Variants in RORB observed in about 807,000 individuals in gnomAD.
RORB encodes RAR related orphan receptor B, also known as nuclear receptor ROR-beta.
RORB carries 6 observed loss-of-function variants against 59.1 expected under a neutral mutation model. That is an observed-to-expected ratio of 0.10 (90% CI 0.06 to 0.20). RORB has a LOEUF of 0.20. Among genes scored for constraint, RORB ranks in the 10% least tolerant of loss-of-function variants. The pLI, the probability that RORB is intolerant of heterozygous loss-of-function variation, is 1.00. For missense variants in RORB, 320 were observed against 560.5 expected, an observed-to-expected ratio of 0.57 and a Z score of 4.33; for synonymous variants, 215 against 204.5, an observed-to-expected ratio of 1.05 and a Z score of -0.44.
At chr9:74,567,274 G>A (rs1209070854) in intron 1 of RORB, among the ~76,000 whole-genome samples, 3 of 152,056 alleles carry the variant, frequency 2.0e-5, no homozygotes, top group Non-Finnish European at 2.9e-5. Context: ...TGATCCACCC[G>A]CCTTGGCCTC....
At chr9:74,613,738 C>T (rs920362615) in intron 1 of RORB, among the ~76,000 whole-genome samples, 2 of 152,090 alleles carry the variant, frequency 1.3e-5, no homozygotes, top group African/African-American at 2.4e-5. Flanking sequence ...TTGCCTTTCT[C>T]CCCATCAAAA....
Position 74,497,794 on chromosome 9 carries a change from T to TAGC in RORB, c.-182_-180dup. On this transcript the variant is annotated 5_prime_UTR_variant, in exon 1 of 10. Coordinates refer to ENST00000376896, the MANE Select transcript of RORB (RefSeq NM_006914.4). ...ACCACCAACATCAAAACTGTTAACA[T>TAGC]AGCGGCGGCGGCGGCAAACGTCACC... 1.6e-6 allele frequency: 1 copy of TAGC among 619,854 alleles called. No individual in the cohort carries two copies. The highest frequency in any genetic ancestry group is 2.7e-5 in the Admixed American group (1 of 36,866). 38.4% of individuals were successfully genotyped at this position (619,854 alleles called of 1,614,324 possible).
At chr9:74,544,840 C>T (rs754529908) in intron 1 of RORB, among the ~76,000 whole-genome samples, 6 of 152,152 alleles carry the variant, frequency 3.9e-5, no homozygotes, top group Non-Finnish European at 8.8e-5. Flanking sequence ...AGTCAGGTTC[C>T]CATCACATCT....
At chr9:74,645,022 C>T (rs1231231734) in intron 4 of RORB, among the ~76,000 whole-genome samples, 2 of 152,054 alleles carry the variant, frequency 1.3e-5, no homozygotes, top group South Asian at 2.1e-4. Context: ...AATAAACTCG[C>T]GTATATTTTA....
In RORB at chr9:74,625,244, T is replaced by C. The variant is rs188050482; in HGVS notation, c.8-5038T>C. Among the ~76,000 whole-genome samples, 120 of 152,336 alleles carry C rather than the reference T, an allele frequency of 7.9e-4. 1 individual carries two copies. The highest frequency in any genetic ancestry group is 1.4e-3 in the Non-Finnish European group (98 of 68,038). On this transcript the variant is annotated intron_variant, in intron 1 of 9. Coordinates refer to ENST00000376896, the MANE Select transcript of RORB (RefSeq NM_006914.4). ...TTAATTGCCAATGGGTGTCTCATCA[T>C]ATACAAGAATCACTTGGGGGCCTTT...
At chr9:74,668,160 C>T (rs111932540) in intron 8 of RORB, among the ~76,000 whole-genome samples, 4 of 152,218 alleles carry the variant, frequency 2.6e-5, no homozygotes, top group African/African-American at 9.6e-5. Flanking sequence ...CATTCCTTAG[C>T]AAATAAAGGA....
chr9:74,508,165 T>C (rs943181724), intron 1 of RORB, among the ~76,000 whole-genome samples: 3 of 151,962 alleles, frequency 2.0e-5, no homozygotes, highest in Non-Finnish European at 4.4e-5. Flanking sequence ...TTCATTCTTG[T>C]GATTTCAAAA....
intron 1 of RORB, among the ~76,000 whole-genome samples, chr9:74,627,387 C>T (rs1312599591): frequency 6.6e-6 from 1 of 152,106 alleles, no homozygotes; most frequent in Non-Finnish European, 1.5e-5. Flanking sequence ...TTTTAAGTGA[C>T]TTATTTCTCT....
At chr9:74,661,993 A>C (rs1456033723) in intron 5 of RORB, among the ~76,000 whole-genome samples, 7 of 152,152 alleles carry the variant, frequency 4.6e-5, no homozygotes, top group African/African-American at 1.7e-4. Flanking sequence ...TCTGGGAAAA[A>C]GACACAACAT....
chr9:74,654,437 G>C (rs1824048529), intron 4 of RORB, among the ~76,000 whole-genome samples: 1 of 151,800 alleles, frequency 6.6e-6, no homozygotes, highest in South Asian at 2.1e-4. Context: ...GAGGAAGGAG[G>C]TTAGGTCCAG....
intron 1 of RORB, among the ~76,000 whole-genome samples, chr9:74,527,630 AC>A (rs1157819755): frequency 8.6e-5 from 13 of 151,852 alleles, no homozygotes; most frequent in African/African-American, 3.1e-4. Context: ...ATTTAGCTCA[AC>A]CCCCTGGTTT....
chr9:74,549,594 AAGGAAGGAAGG>A (rs1348639692), intron 1 of RORB, among the ~76,000 whole-genome samples: 2 of 66,198 alleles, frequency 3.0e-5, no homozygotes, highest in African/African-American at 1.6e-4. Flanking sequence ...GGAAGGAAGG[AAGGAAGGAAGG>A]AAGAAAGGAA....
At chr9:74,584,188 T>A (rs1822764741) in intron 1 of RORB, among the ~76,000 whole-genome samples, 1 of 152,222 alleles carries the variant, frequency 6.6e-6, no homozygotes, top group Non-Finnish European at 1.5e-5. Flanking sequence ...TTATTGCTAT[T>A]CCCTGTGCGG....
intron 1 of RORB, among the ~76,000 whole-genome samples, chr9:74,549,620 GGAAGGAAGAAAGGAAA>G: frequency 1.0e-5 from 1 of 98,882 alleles, no homozygotes. Flanking sequence ...AAGGAAGGAA[GGAAGGAAGAAAGGAAA>G]GAAAGAAAGA....
rs773315096 is a variant in RORB, at chr9:74,497,931, C to T, written c.-46C>T. 30 of 1,608,396 alleles carry T rather than the reference C, an allele frequency of 1.9e-5. No homozygotes were observed. Among genetic ancestry groups the T allele is most frequent in the Non-Finnish European group, 2.3e-5 (27 of 1,177,650 alleles). On this transcript the variant is annotated 5_prime_UTR_variant, in exon 1 of 10. Transcript: ENST00000376896. ...ATTTTTGGGCTCTCCGGGGTTCGGG[C>T]TGGGAGCAGCTTCATGACTACGCGG... is the stretch of plus-strand genomic sequence containing the variant.
intron 1 of RORB, among the ~76,000 whole-genome samples, chr9:74,500,997 C>T (rs1481136274): frequency 6.6e-6 from 1 of 152,132 alleles, no homozygotes; most frequent in Non-Finnish European, 1.5e-5. Flanking sequence ...AAGGGAGGAC[C>T]TTTAATTGGG....
chr9:74,627,799 A>G (rs1161264004), intron 1 of RORB, among the ~76,000 whole-genome samples: 1 of 150,010 alleles, frequency 6.7e-6, no homozygotes, highest in Non-Finnish European at 1.5e-5. Flanking sequence ...GTTATTGCTA[A>G]AAAAAAAAAC....
chr9:74,563,653 G>A (rs750921706), intron 1 of RORB, among the ~76,000 whole-genome samples: 1 of 151,960 alleles, frequency 6.6e-6, no homozygotes, highest in African/African-American at 2.4e-5. Context: ...GATGTGTCTC[G>A]AAGAGACTTG....
intron 4 of RORB, among the ~76,000 whole-genome samples, chr9:74,646,732 T>C (rs1587404059): frequency 1.3e-5 from 2 of 152,176 alleles, no homozygotes; most frequent in African/African-American, 4.8e-5. Context: ...TGCCAGGCAT[T>C]TTTCTTCAAA....
Sources: gnomAD v4.1 joint callset for allele counts (sites outside exome capture counted in the v4.1 genomes callset) on GRCh38, gnomAD v4.1.1 for gene constraint, MANE v1.5 for transcripts, NCBI Gene and HGNC (gene_info 2026-07-23, HGNC 2026-07-21) for gene names.